SNCAIP: variants seen among roughly 807,000 people sequenced by gnomAD.
SNCAIP encodes the protein synuclein alpha interacting protein.
A neutral mutation model predicts 86.7 loss-of-function variants in SNCAIP; 43 were observed. The ratio of observed to expected loss-of-function variants is 0.50; its 90% CI spans 0.39 to 0.64. The LOEUF is 0.64. Among genes scored for constraint, SNCAIP ranks in the 30% least tolerant of loss-of-function variants. SNCAIP has a pLI of 0.00. For synonymous variants in SNCAIP, 417 were observed against 427.2 expected (o/e 0.98, Z 0.29); for missense variants, 981 against 1,103.1 (o/e 0.89, Z 1.57).
At chr5:122,353,775 C>T (rs1760413855) in intron 1 of SNCAIP, among the ~76,000 whole-genome samples, 1 of 152,120 alleles carries the variant, frequency 6.6e-6, no homozygotes, top group African/African-American at 2.4e-5. Context: ...ACTGTAAGTC[C>T]ATTAAACCTC....
chr5:122,460,604 G>A (rs1239099746), intron 10 of SNCAIP, among the ~76,000 whole-genome samples: 1 of 151,862 alleles, frequency 6.6e-6, no homozygotes, highest in Admixed American at 6.6e-5. Context: ...CATGAATATA[G>A]TTGTATCACT....
intron 8 of SNCAIP, 22 bp downstream of exon 8, chr5:122,444,754 T>A (rs771431681): frequency 2.4e-5 from 39 of 1,598,158 alleles, no homozygotes; most frequent in Non-Finnish European, 3.3e-5. Flanking sequence ...GTTGGTTCCA[T>A]GAGAACCAAG....
intron 4 of SNCAIP, 29 bp downstream of exon 4, chr5:122,423,768 T>C: frequency 6.4e-7 from 1 of 1,573,202 alleles, no homozygotes; most frequent in Non-Finnish European, 8.6e-7. Context: ...AGTATACATG[T>C]CAATAGACTG....
chr5:122,344,514 G>T (rs1437482126), intron 1 of SNCAIP, among the ~76,000 whole-genome samples: 1 of 152,150 alleles, frequency 6.6e-6, no homozygotes, highest in Non-Finnish European at 1.5e-5. Flanking sequence ...AGAGGAGAGG[G>T]CTTTGAGCTA....
chr5:122,367,553 G>A (rs1048649528), intron 1 of SNCAIP, among the ~76,000 whole-genome samples: 1 of 152,060 alleles, frequency 6.6e-6, no homozygotes, highest in African/African-American at 2.4e-5. Context: ...TTCTTTAGAG[G>A]ATAGAGTAGA....
intron 7 of SNCAIP, among the ~76,000 whole-genome samples, chr5:122,441,532 C>T (rs1404833839): frequency 6.6e-6 from 1 of 152,152 alleles, no homozygotes; most frequent in Non-Finnish European, 1.5e-5. Flanking sequence ...TCCAAGAAAG[C>T]TCCCTAGAGA....
rs897083123 is a variant in SNCAIP at position 122,440,674 on chromosome 5, A to G, written c.1342A>G (p.Ile448Val). The G allele has an allele frequency of 2.5e-6, 4 of 1,613,836 alleles. No individual in the cohort carries two copies. The highest frequency in any genetic ancestry group is 3.4e-6 in the Non-Finnish European group (4 of 1,179,798). The stretch of plus-strand genomic sequence containing the variant: ...TCTTCAGTTTATGCAAGAACAGGGC[A>G]TCTCGTTGGATGAAGTAGACCAGGA... The part of the protein sequence containing the change: ...WLLQFMQEQG[I>V]SLDEVDQDGN... The change falls in exon 7 of 11, where the codon ATC becomes GTC. Residue 448 changes from isoleucine (I) to valine (V), a missense_variant. Physicochemically the swap from Ile to Val is conservative, Grantham distance 29 (BLOSUM62 3). Transcript: ENST00000261368.
At chr5:122,331,562 T>C (rs1436602545) in intron 1 of SNCAIP, among the ~76,000 whole-genome samples, 2 of 152,226 alleles carry the variant, frequency 1.3e-5, no homozygotes, top group African/African-American at 4.8e-5. Flanking sequence ...GGGTAGCTTG[T>C]AAATAACAGA....
rs766782352 is a variant in SNCAIP at position 122,423,699 on chromosome 5, G to T, written c.962G>T (p.Ser321Ile). The part of the protein sequence containing the change: ...ERSEYLKKVK[S>I]ILNIVKEGQI... ...AGTGAGTATCTGAAAAAAGTGAAAA[G>T]CATCTTGAACATTGTTAAAGAAGGA... Residue 321 changes from serine (S) to isoleucine (I), a missense_variant, in exon 4 of 11, where the codon AGC becomes ATC. Physicochemically the swap from Ser to Ile is moderately radical, Grantham distance 142 (BLOSUM62 -2). Transcript: ENST00000261368. The T allele has an allele frequency of 5.6e-6, 9 of 1,604,734 alleles. No individual in the cohort carries two copies. Among genetic ancestry groups the T allele is most frequent in the East Asian group, 2.2e-5 (1 of 44,892 alleles).
chr5:122,346,372 A>G (rs897233855), intron 1 of SNCAIP, among the ~76,000 whole-genome samples: 1 of 152,128 alleles, frequency 6.6e-6, no homozygotes, highest in Admixed American at 6.6e-5. Flanking sequence ...GACTTTTTTA[A>G]AAAACTCAAA....
At chr5:122,313,119 T>C (rs1045498290) in intron 1 of SNCAIP, among the ~76,000 whole-genome samples, 7 of 152,248 alleles carry the variant, frequency 4.6e-5, no homozygotes, top group Non-Finnish European at 1.0e-4. Flanking sequence ...GCAACAGCAT[T>C]GTTGCTCATT....
At chr5:122,385,673 A>G (rs533655004) in intron 1 of SNCAIP, among the ~76,000 whole-genome samples, 86 of 138,418 alleles carry the variant, frequency 6.2e-4, no homozygotes, top group Middle Eastern at 3.6e-3. Context: ...GTGCGCACGT[A>G]TGTGTGTGTG....
intron 1 of SNCAIP, among the ~76,000 whole-genome samples, chr5:122,354,842 T>G (rs541496658): frequency 6.6e-6 from 1 of 152,330 alleles, no homozygotes; most frequent in East Asian, 1.9e-4. Flanking sequence ...TTGGAGTATA[T>G]GAGCCATATT....
chr5:122,362,795 A>C (rs1166844181), intron 1 of SNCAIP, among the ~76,000 whole-genome samples: 1 of 152,162 alleles, frequency 6.6e-6, no homozygotes, highest in East Asian at 1.9e-4. Flanking sequence ...GCCCTCCTTG[A>C]TAAGATAATG....
intron 1 of SNCAIP, among the ~76,000 whole-genome samples, chr5:122,390,320 T>C (rs1376078518): frequency 3.3e-5 from 5 of 152,064 alleles, no homozygotes; most frequent in African/African-American, 9.7e-5. Flanking sequence ...CCGCCGCTGA[T>C]GGGGATGATG....
intron 8 of SNCAIP, among the ~76,000 whole-genome samples, chr5:122,445,745 G>A (rs867078399): frequency 6.9e-6 from 1 of 145,668 alleles, no homozygotes; most frequent in Middle Eastern, 3.6e-3. Flanking sequence ...AAAAAACCTT[G>A]GTTTTTTTCA....
At chr5:122,372,103 C>T (rs981888284) in intron 1 of SNCAIP, among the ~76,000 whole-genome samples, 20 of 152,108 alleles carry the variant, frequency 1.3e-4, no homozygotes, top group Non-Finnish European at 1.8e-4. Context: ...AGCCATAAAC[C>T]TCTTATCTAA....
chr5:122,457,075 C>T (rs1300960024), intron 10 of SNCAIP, among the ~76,000 whole-genome samples: 1 of 152,188 alleles, frequency 6.6e-6, no homozygotes, highest in Non-Finnish European at 1.5e-5. Flanking sequence ...GATCTTGGCT[C>T]ACTGCAACCT....
intron 7 of SNCAIP, chr5:122,443,470 T>A: frequency 2.9e-6 from 1 of 340,258 alleles, no homozygotes; most frequent in East Asian, 7.5e-5. Flanking sequence ...CTTGGCCAGA[T>A]TCCGTAACTT....
Sources: gnomAD v4.1 joint callset for allele counts (sites outside exome capture counted in the v4.1 genomes callset) on GRCh38, gnomAD v4.1.1 for gene constraint, MANE v1.5 for transcripts, NCBI Gene and HGNC (gene_info 2026-07-23, HGNC 2026-07-21) for gene names.